The following FOXN3 variants were observed in gnomAD, a reference collection of about 807,000 sequenced individuals.
FOXN3 encodes the protein forkhead box protein N3.
In FOXN3, 7 loss-of-function variants were observed where a neutral mutation model predicts 38.4. The observed-to-expected ratio is 0.18, with a 90% CI of 0.10 to 0.34. The LOEUF (loss-of-function observed/expected upper bound fraction) is 0.34. FOXN3 is among the 10% of genes least tolerant of loss of function. FOXN3 has a pLI of 1.00. For missense variants in FOXN3, 456 were observed against 613.4 expected (o/e 0.74, Z 2.71); for synonymous variants, 230 against 242.2 (o/e 0.95, Z 0.47).
intron 3 of FOXN3, chr14:89,333,252 C>T: frequency 6.7e-6 from 1 of 150,224 alleles, no homozygotes; most frequent in Non-Finnish European, 1.5e-5. Context: ...GATGGTGAAA[C>T]CCCGTCTCTA....
chr14:89,355,118 T>G (rs530864595), intron 2 of FOXN3: 2 of 144,172 alleles, frequency 1.4e-5, no homozygotes, highest in Non-Finnish European at 3.0e-5. Flanking sequence ...AAAAATCAAC[T>G]CTCTATTAAA....
chr14:89,522,812 T>A (rs61996499), intron 1 of FOXN3, among the ~76,000 whole-genome samples: 8,123 of 148,420 alleles, frequency 0.055, 316 homozygotes, highest in East Asian at 0.16. Flanking sequence ...AAAAAAGCAA[T>A]TGAGCCAATA....
At chr14:89,547,392 C>T (rs1894908728) in intron 1 of FOXN3, among the ~76,000 whole-genome samples, 1 of 152,102 alleles carries the variant, frequency 6.6e-6, no homozygotes, top group South Asian at 2.1e-4. Context: ...GTAGCTGGGG[C>T]TACAGGCACG....
intron 4 of FOXN3, among the ~76,000 whole-genome samples, chr14:89,186,392 A>AGAT (rs1256051455): frequency 1.3e-5 from 2 of 152,232 alleles, no homozygotes; most frequent in African/African-American, 4.8e-5. Context: ...AAGCCTTTGA[A>AGAT]GATGAGTAAT....
At chr14:89,228,490 A>G (rs1884708119) in intron 4 of FOXN3, among the ~76,000 whole-genome samples, 1 of 152,246 alleles carries the variant, frequency 6.6e-6, no homozygotes. Flanking sequence ...GTAAATTTAA[A>G]TAATTTGTTT....
intron 1 of FOXN3, among the ~76,000 whole-genome samples, chr14:89,481,607 G>T (rs1445638891): frequency 6.6e-6 from 1 of 152,088 alleles, no homozygotes; most frequent in African/African-American, 2.4e-5. Context: ...CAATAGTCAG[G>T]TTCAAATCGA....
chr14:89,454,070 G>C (rs1031434595), intron 1 of FOXN3, among the ~76,000 whole-genome samples: 1 of 152,146 alleles, frequency 6.6e-6, no homozygotes, highest in Non-Finnish European at 1.5e-5. Context: ...TTGGGAGGTC[G>C]AGGCAAGAGG....
intron 1 of FOXN3, among the ~76,000 whole-genome samples, chr14:89,597,619 A>T (rs1049265270): frequency 1.3e-5 from 2 of 151,846 alleles, no homozygotes; most frequent in Non-Finnish European, 2.9e-5. Flanking sequence ...TGTGTGTGTG[A>T]GAGAGAGAGA....
intron 4 of FOXN3, among the ~76,000 whole-genome samples, chr14:89,248,976 G>A (rs911452593): frequency 6.6e-6 from 1 of 152,184 alleles, no homozygotes; most frequent in Non-Finnish European, 1.5e-5. Context: ...TGTGCATCCT[G>A]GCATTATACC....
intron 1 of FOXN3, among the ~76,000 whole-genome samples, chr14:89,498,447 C>T (rs1351400429): frequency 5.3e-5 from 8 of 151,912 alleles, no homozygotes; most frequent in African/African-American, 1.7e-4. Flanking sequence ...GGTCTCGATC[C>T]CCTAACCTTG....
chr14:89,464,076 G>A (rs188610302), intron 1 of FOXN3, among the ~76,000 whole-genome samples: 210 of 152,234 alleles, frequency 1.4e-3, no homozygotes, highest in African/African-American at 4.8e-3. Flanking sequence ...GAGCCACCGC[G>A]CCCGGCCTGG....
At chr14:89,417,921 G>C, upstream of FOXN3, 3 of 342,764 alleles carry the variant, frequency 8.8e-6, no homozygotes, top group South Asian at 4.2e-5. Context: ...GGGTTGTGCG[G>C]AACGCCCCGG....
In FOXN3 at chr14:89,212,563, G is replaced by A. The variant is rs111826568; in HGVS notation, c.746-31757C>T. Reference sequence around the variant, plus strand: ...GTGGGCTCTGGGTCACAGCCATGAGGTGTGTTCCTGACCACACAGATCCGG... The same window carrying A: ...GTGGGCTCTGGGTCACAGCCATGAGATGTGTTCCTGACCACACAGATCCGG... On this transcript the variant is annotated intron_variant, in intron 4 of 5. Transcript: ENST00000557258. 3.9e-3 allele frequency among the ~76,000 whole-genome samples: 593 copies of A among 152,316 alleles called. 8 individuals are homozygous for A. The highest frequency in any genetic ancestry group is 0.014 in the African/African-American group (568 of 41,566).
At chr14:89,352,543 C>G (rs550165610) in intron 2 of FOXN3, among the ~76,000 whole-genome samples, 4 of 152,112 alleles carry the variant, frequency 2.6e-5, no homozygotes, top group Non-Finnish European at 5.9e-5. Context: ...CAAAGGCTCC[C>G]GGTGGAGCCC....
At chr14:89,360,723 A>ACCACCACCACCT (rs1566966318) in intron 2 of FOXN3, among the ~76,000 whole-genome samples, 24 of 131,772 alleles carry the variant, frequency 1.8e-4, no homozygotes, top group Non-Finnish European at 3.2e-4. Context: ...CACTACCTCC[A>ACCACCACCACCT]CCACCACCAC....
chr14:89,212,745 T>C (rs1596106557), intron 4 of FOXN3, among the ~76,000 whole-genome samples: 1 of 152,178 alleles, frequency 6.6e-6, no homozygotes. Flanking sequence ...AAACTACTTA[T>C]CACTTCTGTA....
intron 3 of FOXN3, among the ~76,000 whole-genome samples, chr14:89,303,947 T>G (rs1887297490): frequency 6.6e-6 from 1 of 152,206 alleles, no homozygotes; most frequent in African/African-American, 2.4e-5. Context: ...AGAAGAGATT[T>G]ACACACCCCT....
chr14:89,442,360 G>T (rs900212656), intron 1 of FOXN3, among the ~76,000 whole-genome samples: 23 of 152,098 alleles, frequency 1.5e-4, no homozygotes, highest in African/African-American at 5.6e-4. Context: ...TTTCTGATTT[G>T]CTACACCTGT....
intron 1 of FOXN3, among the ~76,000 whole-genome samples, chr14:89,608,504 G>C (rs981129392): frequency 2.0e-5 from 3 of 152,224 alleles, no homozygotes; most frequent in African/African-American, 7.2e-5. Context: ...TATATGTGGT[G>C]TACAATGTAT....
Sources: gnomAD v4.1 joint callset for allele counts (sites outside exome capture counted in the v4.1 genomes callset) on GRCh38, gnomAD v4.1.1 for gene constraint, MANE v1.5 for transcripts, NCBI Gene and HGNC (gene_info 2026-07-23, HGNC 2026-07-21) for gene names.